CDH12: variants seen among roughly 807,000 people sequenced by gnomAD.
CDH12 encodes the protein cadherin 12, also known as cadherin-12.
A neutral mutation model predicts 74.1 loss-of-function variants in CDH12; 41 were observed. That is an observed-to-expected ratio of 0.55 (90% CI 0.43 to 0.72). The LOEUF (loss-of-function observed/expected upper bound fraction) is 0.72. Among genes scored for constraint, CDH12 ranks in the 30% least tolerant of loss-of-function variants. The pLI is 0.00. For missense variants in CDH12, 945 were observed against 977.2 expected (o/e 0.97, Z 0.44); for synonymous variants, 399 against 355.0 (o/e 1.12, Z -1.39).
At chr5:22,478,465 A>G (rs1420819868) in intron 2 of CDH12, among the ~76,000 whole-genome samples, 2 of 151,160 alleles carry the variant, frequency 1.3e-5, no homozygotes, top group African/African-American at 4.9e-5. Context: ...GTTGATTTTT[A>G]AAGAAAAGAA....
intron 5 of CDH12, among the ~76,000 whole-genome samples, chr5:22,057,666 C>T (rs1005839874): frequency 6.6e-6 from 1 of 152,122 alleles, no homozygotes; most frequent in Non-Finnish European, 1.5e-5. Context: ...TCCTCTCCTC[C>T]TCTCTATTAC....
chr5:22,548,661 T>A (rs1738433977), intron 1 of CDH12, among the ~76,000 whole-genome samples: 1 of 152,012 alleles, frequency 6.6e-6, no homozygotes, highest in African/African-American at 2.4e-5. Flanking sequence ...CTTGTGTGTA[T>A]CTCTATAACA....
chr5:22,308,907 GGAGAGAGAGAGAGGAGAGAGAGAGAAA>G (rs1169627297), intron 3 of CDH12, among the ~76,000 whole-genome samples: 14 of 30,930 alleles, frequency 4.5e-4, no homozygotes, highest in Middle Eastern at 0.029. Context: ...AGGAGAGAGA[GGAGAGAGAGAGAGGAGAGAGAGAGAAA>G]GAGAGAGAGA....
intron 1 of CDH12, among the ~76,000 whole-genome samples, chr5:22,743,318 A>G (rs1055953234): frequency 6.7e-6 from 1 of 149,450 alleles, no homozygotes; most frequent in Admixed American, 6.7e-5. Flanking sequence ...GTATATGTAT[A>G]TATGCACATC....
intron 3 of CDH12, among the ~76,000 whole-genome samples, chr5:22,282,339 G>T (rs903251038): frequency 7.2e-5 from 11 of 152,190 alleles, no homozygotes; most frequent in Admixed American, 7.2e-4. Flanking sequence ...CATTGGCAAA[G>T]ACTTCACGAC....
chr5:22,056,375 T>C (rs1740745898), intron 5 of CDH12, among the ~76,000 whole-genome samples: 1 of 152,170 alleles, frequency 6.6e-6, no homozygotes, highest in South Asian at 2.1e-4. Context: ...CTTAATGAAT[T>C]CTAGTAATTT....
chr5:22,372,881 G>A (rs1361839207), intron 3 of CDH12, among the ~76,000 whole-genome samples: 1 of 152,186 alleles, frequency 6.6e-6, no homozygotes, highest in South Asian at 2.1e-4. Flanking sequence ...AAGGACAAAT[G>A]CCACTTCCAC....
chr5:22,565,683 G>T (rs182833398), intron 1 of CDH12, among the ~76,000 whole-genome samples: 1 of 152,150 alleles, frequency 6.6e-6, no homozygotes, highest in East Asian at 1.9e-4. Context: ...AACTCAATAT[G>T]ACAACATATT....
chr5:21,975,241 T>C lies in CDH12; in HGVS notation c.376A>G (p.Thr126Ala), dbSNP rs1174742556. Residue 126 changes from threonine to alanine, a missense_variant, in exon 6 of 15, where the codon ACT becomes GCT. Physicochemically the swap from Thr to Ala is moderately conservative, Grantham distance 58. Transcript: ENST00000382254. ...ATGTCCACAGCCTGAGCACGAAGAG[T>C]GTAGAAAGGTTTCTCTTCTCTATCT... ...SLDREEKPFYTLRAQAVDIET... is the reference protein window; with the variant it reads ...SLDREEKPFYALRAQAVDIET... 1.3e-5 allele frequency: 20 copies of C among 1,596,802 alleles called. No homozygotes were observed. Among genetic ancestry groups the C allele is most frequent in the East Asian group, 8.9e-5 (4 of 44,834 alleles).
chr5:22,767,045 T>G (rs1479997705), intron 1 of CDH12, among the ~76,000 whole-genome samples: 1 of 151,996 alleles, frequency 6.6e-6, no homozygotes. Flanking sequence ...CAGAACACAC[T>G]TATATACTTT....
intron 3 of CDH12, among the ~76,000 whole-genome samples, chr5:22,220,852 T>C (rs1202050059): frequency 6.6e-6 from 1 of 151,806 alleles, no homozygotes; most frequent in Non-Finnish European, 1.5e-5. Flanking sequence ...GGTTGACTAG[T>C]GACACGAGCT....
chr5:22,425,005 A>G (rs1743836653), intron 2 of CDH12, among the ~76,000 whole-genome samples: 1 of 150,564 alleles, frequency 6.6e-6, no homozygotes, highest in Non-Finnish European at 1.5e-5. Context: ...TTTCTTCCAT[A>G]CATGATATAT....
At chr5:22,355,531 T>A (rs898885926) in intron 3 of CDH12, among the ~76,000 whole-genome samples, 2 of 149,150 alleles carry the variant, frequency 1.3e-5, no homozygotes, top group African/African-American at 4.9e-5. Context: ...AAAATATATA[T>A]ATATATATAT....
At chr5:21,829,772 TC>T (rs1266123963) in intron 8 of CDH12, among the ~76,000 whole-genome samples, 3 of 152,154 alleles carry the variant, frequency 2.0e-5, no homozygotes, top group Admixed American at 6.5e-5. Flanking sequence ...TCTAAAGTTC[TC>T]CTCATAACTT....
chr5:22,416,730 TG>T (rs1743408915), intron 2 of CDH12, among the ~76,000 whole-genome samples: 1 of 152,102 alleles, frequency 6.6e-6, no homozygotes, highest in South Asian at 2.1e-4. Flanking sequence ...TAAAAGGAAT[TG>T]TAAGTGTGGT....
chr5:22,046,486 G>A (rs1338540606), intron 5 of CDH12, among the ~76,000 whole-genome samples: 1 of 141,514 alleles, frequency 7.1e-6, no homozygotes, highest in Non-Finnish European at 1.5e-5. Flanking sequence ...AGGCTGGAGT[G>A]CAGTGGCGCG....
At chr5:22,096,725 C>T (rs1743804400) in intron 4 of CDH12, among the ~76,000 whole-genome samples, 2 of 152,102 alleles carry the variant, frequency 1.3e-5, no homozygotes, top group African/African-American at 4.8e-5. Context: ...AGTGTTTAGG[C>T]TCTTTTTCAT....
chr5:22,528,482 T>C (rs1737389574), intron 1 of CDH12, among the ~76,000 whole-genome samples: 1 of 152,144 alleles, frequency 6.6e-6, no homozygotes, highest in Non-Finnish European at 1.5e-5. Flanking sequence ...TGCATTGTAA[T>C]TCAGAATGAG....
chr5:21,919,394 T>G (rs1156845718), intron 6 of CDH12, among the ~76,000 whole-genome samples: 1 of 152,160 alleles, frequency 6.6e-6, no homozygotes, highest in Non-Finnish European at 1.5e-5. Context: ...TTTTTTTTCC[T>G]TTACTCTTTA....
Sources: allele counts gnomAD v4.1 joint callset (sites outside exome capture counted in the v4.1 genomes callset), GRCh38; gene constraint gnomAD v4.1.1; transcripts MANE v1.5; gene names NCBI Gene and HGNC (gene_info 2026-07-23, HGNC 2026-07-21).